Variants in DCDC2 observed in about 807,000 individuals in gnomAD.
DCDC2 encodes the protein doublecortin domain containing 2.
DCDC2 carries 40 observed loss-of-function variants against 50.2 expected under a neutral mutation model. The observed-to-expected ratio is 0.80, with a 90% CI of 0.62 to 1.04. DCDC2 has a LOEUF of 1.04. Among genes scored for constraint, DCDC2 ranks in the 50% least tolerant of loss-of-function variants. DCDC2 has a pLI of 0.00. For synonymous variants in DCDC2, 234 were observed against 210.6 expected (o/e 1.11, Z -0.96); for missense variants, 570 against 581.9 (o/e 0.98, Z 0.21).
At chr6:24,271,463 C>T (rs948817016) in intron 7 of DCDC2, among the ~76,000 whole-genome samples, 1 of 152,058 alleles carries the variant, frequency 6.6e-6, no homozygotes, top group Non-Finnish European at 1.5e-5. Context: ...AATCCTCCTG[C>T]AGAGGATCAC....
rs560307697 is a variant in DCDC2, at chr6:24,223,364, G to A, written c.923-18262C>T. Among the ~76,000 whole-genome samples, 4 of 152,346 alleles carry A rather than the reference G, an allele frequency of 2.6e-5. No individual in the cohort carries two copies. The East Asian group carries it at 7.7e-4, about 29-fold the overall frequency. On this transcript the variant is annotated intron_variant, in intron 7 of 9. Transcript: ENST00000378454. ...GGCTGACATTTCTGTACACGAGTGA[G>A]TGAGGCTAACTCTACGCAAACATGA...
chr6:24,178,670 G>A lies in DCDC2; in HGVS notation c.1024-38C>T, dbSNP rs781703601. 3 of 1,567,500 alleles carry A rather than the reference G, an allele frequency of 1.9e-6. No homozygotes were observed. In the South Asian group the frequency reaches 3.5e-5, roughly 18 times the overall value. The stretch of plus-strand genomic sequence containing the variant: ...AAGGAATAATGGATAAAAGTAAGAA[G>A]CATAACAGAACATTTCCACTGCACA... On this transcript the variant is annotated intron_variant, in intron 8 of 9. Transcript: ENST00000378454.
At chr6:24,203,268 A>C (rs1317244860) in intron 8 of DCDC2, among the ~76,000 whole-genome samples, 3 of 152,178 alleles carry the variant, frequency 2.0e-5, no homozygotes, top group African/African-American at 7.2e-5. Context: ...AAACAGCATG[A>C]TGCTGGTACC....
intron 6 of DCDC2, among the ~76,000 whole-genome samples, chr6:24,286,004 A>G (rs937778182): frequency 2.0e-5 from 3 of 152,130 alleles, no homozygotes; most frequent in Non-Finnish European, 4.4e-5. Context: ...GCAAAATACA[A>G]TTTCCAATCC....
At chr6:24,179,134 G>A (rs773212057) in intron 8 of DCDC2, among the ~76,000 whole-genome samples, 8 of 152,124 alleles carry the variant, frequency 5.3e-5, no homozygotes, top group East Asian at 1.9e-4. Context: ...GTTTTCTGAC[G>A]TGGAATGTAG....
At chr6:24,375,563 G>T in the DCDC2 span, among the ~76,000 whole-genome samples, 5 of 151,828 alleles carry the variant, frequency 3.3e-5, no homozygotes, top group Non-Finnish European at 4.4e-5. Flanking sequence ...TATATAATTG[G>T]GCCCTTCTTG....
At chr6:24,187,701 G>A (rs868069027) in intron 8 of DCDC2, among the ~76,000 whole-genome samples, 1 of 152,106 alleles carries the variant, frequency 6.6e-6, no homozygotes, top group African/African-American at 2.4e-5. Flanking sequence ...CTGGATATTC[G>A]TCTTAAATAA....
intron 8 of DCDC2, among the ~76,000 whole-genome samples, chr6:24,194,271 TAAATA>T (rs951512102): frequency 1.3e-5 from 2 of 152,134 alleles, no homozygotes; most frequent in African/African-American, 4.8e-5. Flanking sequence ...AAATAAATTT[TAAATA>T]AATAAGAAAA....
chr6:24,216,314 G>C (rs888183921), intron 7 of DCDC2, among the ~76,000 whole-genome samples: 6 of 151,656 alleles, frequency 4.0e-5, no homozygotes, highest in African/African-American at 1.5e-4. Flanking sequence ...AAAAGAAATA[G>C]TAAAAGGTAA....
chr6:24,300,364 A>G (rs982920314), intron 4 of DCDC2, among the ~76,000 whole-genome samples: 7 of 152,236 alleles, frequency 4.6e-5, no homozygotes, highest in Admixed American at 1.3e-4. Flanking sequence ...CCTGGGTGAC[A>G]CAGCGAGACC....
chr6:24,270,308 T>A (rs1461775636), intron 7 of DCDC2, among the ~76,000 whole-genome samples: 1 of 152,228 alleles, frequency 6.6e-6, no homozygotes, highest in African/African-American at 2.4e-5. Flanking sequence ...TGTTTATCCA[T>A]TCTAAGTATT....
chr6:24,224,524 T>G (rs1383197098), intron 7 of DCDC2, among the ~76,000 whole-genome samples: 4 of 152,146 alleles, frequency 2.6e-5, no homozygotes, highest in African/African-American at 4.8e-5. Flanking sequence ...GCATGTGGTG[T>G]GTACATGCAT....
intron 7 of DCDC2, among the ~76,000 whole-genome samples, chr6:24,232,225 A>T (rs1377868356): frequency 6.6e-6 from 1 of 152,218 alleles, no homozygotes; most frequent in Non-Finnish European, 1.5e-5. Context: ...AAATTGACGT[A>T]CATCTCAATT....
At chr6:24,188,676 C>G (rs764946735) in intron 8 of DCDC2, among the ~76,000 whole-genome samples, 38 of 152,190 alleles carry the variant, frequency 2.5e-4, no homozygotes, top group Admixed American at 3.9e-4. Flanking sequence ...CTAAGGAGTA[C>G]ATACATCTTG....
chr6:24,284,842 T>G (rs1409616007), intron 6 of DCDC2, among the ~76,000 whole-genome samples: 1 of 152,042 alleles, frequency 6.6e-6, no homozygotes, highest in Admixed American at 6.6e-5. Flanking sequence ...ATGCTCTTCT[T>G]CCCCGGCCTC....
intron 4 of DCDC2, among the ~76,000 whole-genome samples, chr6:24,300,440 G>A (rs891329740): frequency 3.9e-5 from 6 of 152,072 alleles, no homozygotes; most frequent in East Asian, 1.9e-4. Flanking sequence ...GAATATTTCC[G>A]GGATGATGCT....
chr6:24,195,108 C>G (rs1158328822), intron 8 of DCDC2, among the ~76,000 whole-genome samples: 1 of 152,050 alleles, frequency 6.6e-6, no homozygotes, highest in Non-Finnish European at 1.5e-5. Context: ...GAGAGGCTAT[C>G]AAGGACTATG....
At chr6:24,238,998 A>G (rs1003452735) in intron 7 of DCDC2, among the ~76,000 whole-genome samples, 1 of 152,228 alleles carries the variant, frequency 6.6e-6, no homozygotes, top group South Asian at 2.1e-4. Flanking sequence ...TGACATGCGT[A>G]ATCTAACGAT....
chr6:24,228,917 C>T, intron 7 of DCDC2, among the ~76,000 whole-genome samples: 1 of 152,146 alleles, frequency 6.6e-6, no homozygotes, highest in African/African-American at 2.4e-5. Flanking sequence ...TCTGTTGTGG[C>T]CACTGCTAGA....
Sources: gnomAD v4.1 joint callset for allele counts (sites outside exome capture counted in the v4.1 genomes callset) on GRCh38, gnomAD v4.1.1 for gene constraint, MANE v1.5 for transcripts, NCBI Gene and HGNC (gene_info 2026-07-23, HGNC 2026-07-21) for gene names.